REPS2: variants seen among roughly 807,000 people sequenced by gnomAD.
REPS2 encodes the protein RALBP1 associated Eps domain containing 2.
REPS2 carries 23 observed loss-of-function variants against 53.6 expected under a neutral mutation model. The observed-to-expected ratio is 0.43, with a 90% CI of 0.31 to 0.61. The LOEUF is 0.61. REPS2 is among the 20% of genes least tolerant of loss of function. The probability of loss-of-function intolerance (pLI) is 0.11; values close to 1 mark genes in which losing one functional copy is unlikely to be tolerated. For synonymous variants in REPS2, 238 were observed against 218.6 expected (o/e 1.09, Z -0.78); for missense variants, 446 against 534.9 (o/e 0.83, Z 1.64).
chrX:17,127,455 C>T (rs1050623250), intron 14 of REPS2, among the ~76,000 whole-genome samples: 6 of 111,984 alleles, frequency 5.4e-5, no homozygotes, highest in Non-Finnish European at 1.1e-4. Context: ...CCTGGTATTT[C>T]GTACTGGAAG....
intron 13 of REPS2, 63 bp from the exon 14 acceptor site, chrX:17,103,655 T>TA: frequency 5.7e-6 from 6 of 1,053,168 alleles, no homozygotes; most frequent in Non-Finnish European, 8.0e-6. Flanking sequence ...TTAACAAGCA[T>TA]AAGAGTTTTT....
chrX:17,103,900 C>T, intron 14 of REPS2, 121 bp downstream of exon 14: 1 of 629,591 alleles, frequency 1.6e-6, no homozygotes, highest in Non-Finnish European at 2.6e-6. Context: ...AGCTGATACC[C>T]TGTGAAGAGA....
intron 13 of REPS2, among the ~76,000 whole-genome samples, chrX:17,095,376 T>C (rs2062681753): frequency 8.9e-6 from 1 of 112,021 alleles, no homozygotes; most frequent in Non-Finnish European, 1.9e-5. Context: ...TGAATCTGTC[T>C]GTTTTCAGCA....
chrX:17,075,883 G>C, intron 12 of REPS2, among the ~76,000 whole-genome samples: 1 of 111,815 alleles, frequency 8.9e-6, no homozygotes, highest in Admixed American at 9.5e-5. Context: ...GTCTCTAATT[G>C]TCTTTTTTAA....
At chrX:17,074,508 C>A in intron 12 of REPS2, 1 of 161,743 alleles carries the variant, frequency 6.2e-6, no homozygotes, top group Non-Finnish European at 1.2e-5. Context: ...AATTTGCTAT[C>A]ATGACAAGGT....
intron 14 of REPS2, among the ~76,000 whole-genome samples, chrX:17,130,615 C>G (rs148507298): frequency 8.2e-4 from 92 of 112,044 alleles, no homozygotes; most frequent in African/African-American, 2.7e-3. Flanking sequence ...AGACTTCAAG[C>G]TTCTCTTAAG....
chrX:17,052,431 A>G lies in REPS2; in HGVS notation c.957A>G (p.Glu319=). Residue 319 remains glutamate (E), a synonymous_variant, in exon 7 of 18, where the codon GAA becomes GAG. Transcript: ENST00000357277. ...FFTKSKLSIP[E]LSYIWELSDA... The stretch of plus-strand genomic sequence containing the variant: ...CCAAATCAAAGCTTTCCATTCCAGA[A>G]CTCTCCTATATATGGTAAGTACAAT... 8.3e-7 allele frequency: 1 copy of G among 1,198,895 alleles called. No individual in the cohort carries two copies. Among genetic ancestry groups the G allele is most frequent in the Non-Finnish European group, 1.1e-6 (1 of 886,828 alleles).
chrX:17,107,005 G>C (rs1450117787), intron 14 of REPS2, among the ~76,000 whole-genome samples: 1 of 111,597 alleles, frequency 9.0e-6, no homozygotes, highest in African/African-American at 3.3e-5. Context: ...ACAACCATCT[G>C]ATCTTTGACA....
intron 14 of REPS2, among the ~76,000 whole-genome samples, chrX:17,108,578 A>T (rs759159674): frequency 3.6e-5 from 4 of 111,509 alleles, no homozygotes; most frequent in Non-Finnish European, 5.6e-5. Context: ...TCTTATGGCA[A>T]TTGTGATAGA....
At chrX:17,079,074 A>G (rs1358644271) in intron 13 of REPS2, among the ~76,000 whole-genome samples, 1 of 112,364 alleles carries the variant, frequency 8.9e-6, no homozygotes, top group Non-Finnish European at 1.9e-5. Flanking sequence ...ATGCTTACCA[A>G]TTGAGCATAT....
chrX:17,061,142 C>T (rs866440590), intron 8 of REPS2, among the ~76,000 whole-genome samples: 23 of 112,196 alleles, frequency 2.0e-4, no homozygotes, highest in Middle Eastern at 9.3e-3. Flanking sequence ...AAAGAGAAAT[C>T]GGTGAAATTC....
chrX:17,100,306 T>G, intron 13 of REPS2: 2 of 542,913 alleles, frequency 3.7e-6, no homozygotes, highest in Non-Finnish European at 6.6e-6. Flanking sequence ...TCTTGTTTTG[T>G]TTTTTCTCCA....
chrX:17,140,621 G>A, intron 17 of REPS2, among the ~76,000 whole-genome samples: 1 of 110,301 alleles, frequency 9.1e-6, no homozygotes, highest in Non-Finnish European at 1.9e-5. Context: ...ATAAATTGCA[G>A]ATATCTGTAT....
At chrX:17,026,615 C>T (rs886550648) in intron 4 of REPS2, among the ~76,000 whole-genome samples, 3 of 110,737 alleles carry the variant, frequency 2.7e-5, no homozygotes, top group African/African-American at 6.6e-5. Context: ...ATGCCCCATT[C>T]CCTCCTCATT....
chrX:16,994,676 G>A (rs2061208457), intron 1 of REPS2, among the ~76,000 whole-genome samples: 1 of 111,232 alleles, frequency 9.0e-6, no homozygotes. Context: ...AAGGGTGGGA[G>A]GTGAGGGATA....
intron 9 of REPS2, among the ~76,000 whole-genome samples, chrX:17,067,625 G>A (rs1255931029): frequency 1.8e-5 from 2 of 112,056 alleles, no homozygotes; most frequent in Admixed American, 9.4e-5. Flanking sequence ...TTTGCATTAG[G>A]AGAAAATTTT....
intron 15 of REPS2, 42 bp downstream of exon 15, chrX:17,133,949 C>A: frequency 1.0e-6 from 1 of 1,001,738 alleles, no homozygotes; most frequent in Admixed American, 2.2e-5. Flanking sequence ...CGTTGCGAGT[C>A]CCACCCCGGG....
chrX:17,018,753 G>T (rs779972911), intron 2 of REPS2, among the ~76,000 whole-genome samples: 7 of 109,987 alleles, frequency 6.4e-5, no homozygotes, highest in African/African-American at 1.7e-4. Context: ...AATGTCACTT[G>T]CCATTTATTA....
intron 9 of REPS2, among the ~76,000 whole-genome samples, chrX:17,068,032 G>A (rs1005648653): frequency 2.7e-5 from 3 of 111,935 alleles, no homozygotes; most frequent in Admixed American, 1.9e-4. Context: ...AGACATTTTC[G>A]GCTGGGCGCG....
Sources: gnomAD v4.1 joint callset for allele counts (sites outside exome capture counted in the v4.1 genomes callset) on GRCh38, gnomAD v4.1.1 for gene constraint, MANE v1.5 for transcripts, NCBI Gene and HGNC (gene_info 2026-07-23, HGNC 2026-07-21) for gene names.